CADPS: variants seen among roughly 807,000 people sequenced by gnomAD.
CADPS encodes calcium dependent secretion activator, also known as calcium-dependent secretion activator 1.
Under a neutral mutation model 167.3 loss-of-function variants are expected in CADPS, and 57 were observed. That is an observed-to-expected ratio of 0.34 (90% CI 0.28 to 0.42). CADPS has a LOEUF of 0.42. CADPS is among the 20% of genes least tolerant of loss of function. The pLI is 1.00. For synonymous variants in CADPS, 676 were observed against 635.3 expected, an observed-to-expected ratio of 1.06 and a Z score of -0.96; for missense variants, 1,414 against 1,738.1, an observed-to-expected ratio of 0.81 and a Z score of 3.32.
chr3:62,479,198 T>G (rs2061664528), intron 22 of CADPS, among the ~76,000 whole-genome samples: 2 of 152,198 alleles, frequency 1.3e-5, no homozygotes, highest in African/African-American at 4.8e-5. Flanking sequence ...TTGGGGAAAT[T>G]GGTTTTGATG....
chr3:62,562,520 A>T (rs1436901980), intron 9 of CADPS, among the ~76,000 whole-genome samples: 1 of 152,212 alleles, frequency 6.6e-6, no homozygotes, highest in Non-Finnish European at 1.5e-5. Context: ...TTTCTTGTAG[A>T]CATGGAGTCT....
At chr3:62,828,437 C>G (rs563017567) in intron 1 of CADPS, among the ~76,000 whole-genome samples, 1 of 152,232 alleles carries the variant, frequency 6.6e-6, no homozygotes, top group Admixed American at 6.5e-5. Context: ...TGACAAGGAA[C>G]TGGGCAAATG....
intron 6 of CADPS, among the ~76,000 whole-genome samples, chr3:62,618,762 G>A (rs539752531): frequency 3.3e-5 from 5 of 152,250 alleles, no homozygotes; most frequent in African/African-American, 1.2e-4. Context: ...CCTCTCTTGA[G>A]TTCCATTCCT....
intron 4 of CADPS, among the ~76,000 whole-genome samples, chr3:62,652,617 G>C (rs1376917594): frequency 6.6e-6 from 1 of 151,688 alleles, no homozygotes; most frequent in Non-Finnish European, 1.5e-5. Context: ...TCAGGTCAAA[G>C]CAGAATAAGA....
At chr3:62,549,849 G>A (rs1374475764) in intron 11 of CADPS, 54 bp downstream of exon 11, 2 of 1,354,690 alleles carry the variant, frequency 1.5e-6, no homozygotes, top group East Asian at 2.3e-5. Flanking sequence ...TTCAACTTTG[G>A]AAGGTTTACT....
At chr3:62,769,104 T>A (rs1377900467) in intron 1 of CADPS, among the ~76,000 whole-genome samples, 2 of 152,128 alleles carry the variant, frequency 1.3e-5, no homozygotes, top group Admixed American at 6.5e-5. Flanking sequence ...ATTTGTAAAA[T>A]GGGGCCAATA....
At position 62,849,742 on chromosome 3, in the gene CADPS, T is replaced by G. The variant is rs959271259; in HGVS notation, c.441+24847A>C. On this transcript the variant is annotated intron_variant, in intron 1 of 29. Transcript: ENST00000383710. ...AGGATATTGGTCTACAATTCTCTTT[T>G]TTGGCTGTGTCTCTGCCCGGCTTTG... is the stretch of plus-strand genomic sequence containing the variant. Among the ~76,000 whole-genome samples the G allele has an allele frequency of 1.2e-4, 18 of 144,554 alleles. 2 individuals are homozygous for G. Among genetic ancestry groups the G allele is most frequent in the Non-Finnish European group, 2.3e-4 (15 of 66,376 alleles). The allele number at this position is 144,554 out of a possible 152,430, so 94.8% of individuals were successfully genotyped here.
At chr3:62,759,452 C>T (rs1374189505) in intron 2 of CADPS, among the ~76,000 whole-genome samples, 4 of 152,032 alleles carry the variant, frequency 2.6e-5, no homozygotes, top group Non-Finnish European at 1.5e-5. Flanking sequence ...TGGACCAGAG[C>T]CTTCCAATGG....
intron 5 of CADPS, among the ~76,000 whole-genome samples, chr3:62,647,003 C>T (rs1563297488): frequency 6.6e-6 from 1 of 152,128 alleles, no homozygotes; most frequent in Non-Finnish European, 1.5e-5. Context: ...CCCCAAACTC[C>T]ACGTAATCAC....
intron 6 of CADPS, among the ~76,000 whole-genome samples, chr3:62,633,870 T>C (rs968350206): frequency 1.3e-5 from 2 of 151,936 alleles, no homozygotes; most frequent in Non-Finnish European, 2.9e-5. Context: ...CAATCGAAAT[T>C]AACACTTCAG....
At chr3:62,717,812 A>C (rs2151923639) in intron 3 of CADPS, among the ~76,000 whole-genome samples, 1 of 152,212 alleles carries the variant, frequency 6.6e-6, no homozygotes, top group African/African-American at 2.4e-5. Flanking sequence ...GTTGCATCCA[A>C]ACTCACCATC....
At chr3:62,734,798 T>C (rs1184678191) in intron 3 of CADPS, among the ~76,000 whole-genome samples, 2 of 152,204 alleles carry the variant, frequency 1.3e-5, no homozygotes, top group Admixed American at 1.3e-4. Context: ...AATACGCTCA[T>C]TTCTCTTGGG....
intron 1 of CADPS, among the ~76,000 whole-genome samples, chr3:62,861,567 T>C (rs1456938402): frequency 2.0e-5 from 3 of 152,224 alleles, no homozygotes; most frequent in Non-Finnish European, 2.9e-5. Context: ...TCAAGCCTAA[T>C]TCATGACCTT....
chr3:62,573,296 G>C (rs995547502), intron 8 of CADPS, among the ~76,000 whole-genome samples: 2 of 151,768 alleles, frequency 1.3e-5, no homozygotes, highest in Admixed American at 6.6e-5. Flanking sequence ...TTTTTATTAC[G>C]GTATTTTTAT....
At chr3:62,820,914 C>T (rs144459605) in intron 1 of CADPS, among the ~76,000 whole-genome samples, 177 of 151,998 alleles carry the variant, frequency 1.2e-3, no homozygotes, top group African/African-American at 4.1e-3. Context: ...CATTCTCCTG[C>T]CTCAGCCTCC....
Position 62,417,276 on chromosome 3 carries a change from C to CTTTTTTTTTTTTTTTTTTT in CADPS, c.3778-14110_3778-14092dup, listed in dbSNP as rs11353455. ...ACACAATAACTATTTTTCTTTTACT[C>CTTTTTTTTTTTTTTTTTTT]TTTTTTTTTTTTTTTTTTTTTTTTT... is the stretch of plus-strand genomic sequence containing the variant. On this transcript the variant is annotated intron_variant, in intron 28 of 29. Transcript: ENST00000383710. 8.7e-4 allele frequency among the ~76,000 whole-genome samples: 56 copies of CTTTTTTTTTTTTTTTTTTT among 64,080 alleles called. 26 individuals are homozygous for CTTTTTTTTTTTTTTTTTTT. The highest frequency in any genetic ancestry group is 8.0e-4 in the Non-Finnish European group (27 of 33,624). The allele number at this position is 64,080 out of a possible 152,430, so 42.0% of individuals were successfully genotyped here.
chr3:62,814,569 G>T (rs537615510), intron 1 of CADPS: 4 of 152,106 alleles, frequency 2.6e-5, no homozygotes, highest in East Asian at 1.9e-4. Context: ...TCACATGTAC[G>T]GTGCATCTTG....
chr3:62,618,232 AC>A (rs2062642446), intron 6 of CADPS, among the ~76,000 whole-genome samples: 1 of 152,116 alleles, frequency 6.6e-6, no homozygotes, highest in Non-Finnish European at 1.5e-5. Flanking sequence ...ACTAAAGACC[AC>A]CCAGAGGAAA....
chr3:62,835,302 A>G (rs1217434253), intron 1 of CADPS, among the ~76,000 whole-genome samples: 1 of 152,200 alleles, frequency 6.6e-6, no homozygotes, highest in Non-Finnish European at 1.5e-5. Context: ...CAATCAGGGA[A>G]CAACAGGGAG....
Sources: allele counts gnomAD v4.1 joint callset (sites outside exome capture counted in the v4.1 genomes callset), GRCh38; gene constraint gnomAD v4.1.1; transcripts MANE v1.5; gene names NCBI Gene and HGNC (gene_info 2026-07-23, HGNC 2026-07-21).